Variants in MAPT observed in about 807,000 individuals in gnomAD.
The protein encoded by MAPT is microtubule associated protein tau.
In MAPT, 34 loss-of-function variants were observed where a neutral mutation model predicts 67.9. The ratio of observed to expected loss-of-function variants is 0.50; its 90% CI spans 0.38 to 0.67. The LOEUF is 0.67. Among genes scored for constraint, MAPT ranks in the 30% least tolerant of loss-of-function variants. MAPT has a pLI of 0.00. For missense variants in MAPT, 881 were observed against 1,115.2 expected (o/e 0.79, Z 2.99); for synonymous variants, 456 against 464.5 (o/e 0.98, Z 0.23).
chr17:46,007,177 AAAAT>A (rs1427297948), intron 9 of MAPT, among the ~76,000 whole-genome samples: 21 of 151,974 alleles, frequency 1.4e-4, no homozygotes, highest in Admixed American at 9.2e-4. Context: ...TTATAAAACA[AAAAT>A]AAATAAGTAA....
chr17:46,016,519 C>T (rs377204103), intron 11 of MAPT, among the ~76,000 whole-genome samples: 18 of 152,192 alleles, frequency 1.2e-4, no homozygotes, highest in African/African-American at 4.3e-4. Context: ...TGCCTGTAAT[C>T]GCAGCACTTT....
intron 6 of MAPT, among the ~76,000 whole-genome samples, chr17:45,988,378 A>G (rs2073771955): frequency 6.6e-6 from 1 of 152,140 alleles, no homozygotes; most frequent in African/African-American, 2.4e-5. Flanking sequence ...GTTTCCCGAG[A>G]GTGTGACCTG....
chr17:45,989,763 A>C, intron 6 of MAPT, 115 bp from the exon 7 acceptor site: 1 of 918,216 alleles, frequency 1.1e-6, no homozygotes. Context: ...CCTGGAGATC[A>C]CTGCTTTCAA....
At chr17:45,940,312 A>AT (rs2067740011) in intron 1 of MAPT, among the ~76,000 whole-genome samples, 1 of 152,158 alleles carries the variant, frequency 6.6e-6, no homozygotes, top group Non-Finnish European at 1.5e-5. Context: ...GAACCTGCCC[A>AT]ATCTTGTCTG....
At chr17:45,992,168 G>A (rs1220818484) in intron 8 of MAPT, among the ~76,000 whole-genome samples, 1 of 152,098 alleles carries the variant, frequency 6.6e-6, no homozygotes, top group Non-Finnish European at 1.5e-5. Context: ...GGAAAAAAAA[G>A]AAAGAAATCG....
intron 1 of MAPT, among the ~76,000 whole-genome samples, chr17:45,956,059 A>G (rs1020368507): frequency 6.6e-6 from 1 of 152,172 alleles, no homozygotes; most frequent in Non-Finnish European, 1.5e-5. Flanking sequence ...ATGTATGCCT[A>G]ATTTGCCCAT....
intron 12 of MAPT, among the ~76,000 whole-genome samples, chr17:46,019,262 T>G (rs1006095762): frequency 5.3e-5 from 8 of 151,920 alleles, no homozygotes; most frequent in Non-Finnish European, 8.8e-5. Flanking sequence ...TTCACTATCA[T>G]GAGAACAGCA....
chr17:45,931,756 T>G (rs561350784), intron 1 of MAPT: 1 of 152,348 alleles, frequency 6.6e-6, no homozygotes, highest in East Asian at 1.9e-4. Context: ...AGTTTGTGGT[T>G]CACATGCTGT....
At chr17:45,903,589 C>A (rs2063763014) in intron 1 of MAPT, among the ~76,000 whole-genome samples, 1 of 148,456 alleles carries the variant, frequency 6.7e-6, no homozygotes, top group African/African-American at 2.5e-5. Context: ...GTGGCGGGCG[C>A]CTGTAGTCCC....
At chr17:45,903,184 C>T (rs866776979) in intron 1 of MAPT, among the ~76,000 whole-genome samples, 5 of 152,152 alleles carry the variant, frequency 3.3e-5, no homozygotes, top group Admixed American at 1.3e-4. Flanking sequence ...AACCGTGGGA[C>T]GGTGCTCCTC....
At position 45,941,689 on chromosome 17, in the gene MAPT, T is replaced by TCCTTCCCTCCTTCCTTCCTTCCTTCCTG. The variant is rs1568207643; in HGVS notation, c.-17-20626_-17-20625insCTCCTTCCTTCCTTCCTTCCTGCCTTCC. Among the ~76,000 whole-genome samples, 62 of 59,746 alleles carry TCCTTCCCTCCTTCCTTCCTTCCTTCCTG rather than the reference T, an allele frequency of 1.0e-3. 3 individuals are homozygous for TCCTTCCCTCCTTCCTTCCTTCCTTCCTG. The highest frequency in any genetic ancestry group is 1.8e-3 in the Admixed American group (9 of 4,908). The allele number at this position is 59,746 out of a possible 152,430, so 39.2% of individuals were successfully genotyped here. On this transcript the variant is annotated intron_variant, in intron 1 of 12. Coordinates refer to ENST00000262410, the MANE Select transcript of MAPT (RefSeq NM_001377265.1). ...CCCCTTCCCCCCTTCCCTCCTTCCT[T>TCCTTCCCTCCTTCCTTCCTTCCTTCCTG]CCTTCCTTCCTGCCTGCCTTCCTTC...
intron 1 of MAPT, among the ~76,000 whole-genome samples, chr17:45,900,057 C>T (rs944792102): frequency 1.3e-5 from 2 of 152,248 alleles, no homozygotes; most frequent in South Asian, 2.1e-4. Flanking sequence ...AAAGCGTTGG[C>T]GCCCACTGAT....
intron 6 of MAPT, among the ~76,000 whole-genome samples, chr17:45,987,881 G>A (rs753364682): frequency 6.6e-5 from 10 of 152,158 alleles, no homozygotes; most frequent in African/African-American, 2.2e-4. Flanking sequence ...TGTCAATCAC[G>A]GTGCACATTT....
intron 1 of MAPT, among the ~76,000 whole-genome samples, chr17:45,960,010 C>G (rs1298409816): frequency 6.6e-6 from 1 of 152,172 alleles, no homozygotes; most frequent in Non-Finnish European, 1.5e-5. Context: ...AAGCAAGTAG[C>G]ATAATTGCAA....
At chr17:45,952,475 A>C (rs1297130596) in intron 1 of MAPT, among the ~76,000 whole-genome samples, 1 of 152,200 alleles carries the variant, frequency 6.6e-6, no homozygotes, top group African/African-American at 2.4e-5. Context: ...CCCATACAAA[A>C]TAAAGGTTCA....
At chr17:45,910,321 G>T (rs2144119274) in intron 1 of MAPT, among the ~76,000 whole-genome samples, 1 of 152,266 alleles carries the variant, frequency 6.6e-6, no homozygotes, top group African/African-American at 2.4e-5. Flanking sequence ...CTACAGATTA[G>T]GACGTTGAGA....
In MAPT at chr17:45,967,149, C is replaced by T. The variant is rs1018165618; in HGVS notation, c.133+4679C>T. On this transcript the variant is annotated intron_variant, in intron 2 of 12. Coordinates refer to ENST00000262410, the MANE Select transcript of MAPT (RefSeq NM_001377265.1). ...GAGTTGAAATATGGCTGGATACCTG[C>T]CCAAGAGAGCTGAAAAGTAGATGAA... Among the ~76,000 whole-genome samples, 8 of 152,240 alleles carry T rather than the reference C, an allele frequency of 5.3e-5. No individual in the cohort carries two copies. The South Asian group carries it at 1.5e-3, about 28-fold the overall frequency.
At chr17:45,902,571 T>C in intron 1 of MAPT, among the ~76,000 whole-genome samples, 1 of 152,140 alleles carries the variant, frequency 6.6e-6, no homozygotes, top group South Asian at 2.1e-4. Context: ...GAAGAACACC[T>C]ACTGGGGAAA....
In MAPT at chr17:46,014,882, C is replaced by CAAA. The variant is rs1254513618; in HGVS notation, c.2173+567_2173+569dup. ...TGGGCGACAGAGCGAGACTCCGTCT[C>CAAA]AAAAAAAAAAAGCACATGTTCTCGC... is the stretch of plus-strand genomic sequence containing the variant. On this transcript the variant is annotated intron_variant, in intron 11 of 12. Transcript: ENST00000262410. Among the ~76,000 whole-genome samples, 4 of 127,500 alleles carry CAAA rather than the reference C, an allele frequency of 3.1e-5. 1 individual carries two copies. Among genetic ancestry groups the CAAA allele is most frequent in the Non-Finnish European group, 5.1e-5 (3 of 58,800 alleles). The allele number at this position is 127,500 out of a possible 152,430, so 83.6% of individuals were successfully genotyped here.
Sources: allele counts gnomAD v4.1 joint callset (sites outside exome capture counted in the v4.1 genomes callset), GRCh38; gene constraint gnomAD v4.1.1; transcripts MANE v1.5; gene names NCBI Gene and HGNC (gene_info 2026-07-23, HGNC 2026-07-21).